ESRRG: variants seen among roughly 807,000 people sequenced by gnomAD.
ESRRG encodes estrogen-related receptor gamma.
In ESRRG, 13 loss-of-function variants were observed where a neutral mutation model predicts 44.0. The observed-to-expected ratio is 0.30, with a 90% CI of 0.19 to 0.47. The LOEUF is 0.47. Among genes scored for constraint, ESRRG ranks in the 20% least tolerant of loss-of-function variants. The probability of loss-of-function intolerance (pLI) is 1.00; values close to 1 mark genes in which losing one functional copy is unlikely to be tolerated. For missense variants in ESRRG, 395 were observed against 580.6 expected, an observed-to-expected ratio of 0.68 and a Z score of 3.29; for synonymous variants, 215 against 214.6, an observed-to-expected ratio of 1.00 and a Z score of -0.02.
intron 2 of ESRRG, among the ~76,000 whole-genome samples, chr1:216,749,434 G>A (rs11572651): frequency 5.3e-5 from 8 of 152,270 alleles, no homozygotes; most frequent in Admixed American, 3.9e-4. Context: ...GGCAACAAGC[G>A]CGATAGGGAA....
intron 1 of ESRRG, among the ~76,000 whole-genome samples, chr1:217,023,324 C>T (rs367640631): frequency 6.6e-6 from 1 of 152,152 alleles, no homozygotes; most frequent in Admixed American, 6.5e-5. Context: ...GAATACCAGA[C>T]ACCAGGAGGA....
intron 1 of ESRRG, among the ~76,000 whole-genome samples, chr1:216,702,277 GTCTTATGAGA>G (rs2081513142): frequency 6.6e-6 from 1 of 152,098 alleles, no homozygotes; most frequent in Non-Finnish European, 1.5e-5. Context: ...AGATTCTCTA[GTCTTATGAGA>G]GAGGGTGAAG....
At chr1:216,998,921 A>ATATAACC (rs1185461007) in intron 1 of ESRRG, among the ~76,000 whole-genome samples, 2 of 152,232 alleles carry the variant, frequency 1.3e-5, no homozygotes, top group African/African-American at 2.4e-5. Context: ...ATGGACATTC[A>ATATAACC]CATTTGCGTG....
chr1:216,909,309 C>A (rs896606484), intron 2 of ESRRG, among the ~76,000 whole-genome samples: 1 of 152,150 alleles, frequency 6.6e-6, no homozygotes. Flanking sequence ...AAGACCTCTA[C>A]AGCCCTCCCC....
At chr1:216,807,939 C>G (rs1357099967) in intron 2 of ESRRG, among the ~76,000 whole-genome samples, 1 of 152,094 alleles carries the variant, frequency 6.6e-6, no homozygotes, top group Non-Finnish European at 1.5e-5. Context: ...TGTGAGGTAG[C>G]TAACAACAAA....
chr1:217,075,748 T>C (rs2091213301), intron 1 of ESRRG, among the ~76,000 whole-genome samples: 1 of 152,238 alleles, frequency 6.6e-6, no homozygotes, highest in African/African-American at 2.4e-5. Flanking sequence ...TCCAACATCT[T>C]AAAAAGATTG....
intron 1 of ESRRG, among the ~76,000 whole-genome samples, chr1:216,940,584 T>G (rs2065053340): frequency 6.6e-6 from 1 of 152,024 alleles, no homozygotes; most frequent in African/African-American, 2.4e-5. Context: ...GTGGAGAAAA[T>G]AATTACTCGG....
intron 6 of ESRRG, among the ~76,000 whole-genome samples, chr1:216,512,354 C>T (rs2042968895): frequency 6.6e-6 from 1 of 152,100 alleles, no homozygotes; most frequent in South Asian, 2.1e-4. Flanking sequence ...AATCCAGACA[C>T]TGGAAAACCA....
chr1:216,963,445 G>A (rs1198059793), intron 1 of ESRRG, among the ~76,000 whole-genome samples: 1 of 152,130 alleles, frequency 6.6e-6, no homozygotes, highest in African/African-American at 2.4e-5. Context: ...TCATTAGATA[G>A]TTCTGTCTTC....
chr1:217,096,243 T>C (rs2092421324), intron 1 of ESRRG, among the ~76,000 whole-genome samples: 1 of 152,220 alleles, frequency 6.6e-6, no homozygotes, highest in African/African-American at 2.4e-5. Flanking sequence ...CCATTTGAGA[T>C]AGCGCATTCA....
At chr1:216,972,626 T>G (rs2071929432) in intron 1 of ESRRG, among the ~76,000 whole-genome samples, 1 of 152,164 alleles carries the variant, frequency 6.6e-6, no homozygotes, top group South Asian at 2.1e-4. Context: ...GTCTCAGCAC[T>G]TAATAAGGAG....
chr1:216,914,805 C>T (rs528948258), intron 2 of ESRRG, among the ~76,000 whole-genome samples: 64 of 152,260 alleles, frequency 4.2e-4, no homozygotes, highest in Admixed American at 7.9e-4. Context: ...CACTGGCCAC[C>T]ATAACCACTG....
At chr1:216,802,397 G>T (rs1420174861) in intron 2 of ESRRG, among the ~76,000 whole-genome samples, 1 of 152,122 alleles carries the variant, frequency 6.6e-6, no homozygotes, top group Non-Finnish European at 1.5e-5. Flanking sequence ...TCACTGAGAA[G>T]TGTCTGATAT....
intron 3 of ESRRG, among the ~76,000 whole-genome samples, chr1:216,613,859 T>C (rs2061016149): frequency 6.6e-6 from 1 of 152,250 alleles, no homozygotes; most frequent in African/African-American, 2.4e-5. Context: ...TGGAATAATA[T>C]CTTATGCACA....
At chr1:216,885,342 T>A (rs1301134901) in intron 2 of ESRRG, among the ~76,000 whole-genome samples, 1 of 152,204 alleles carries the variant, frequency 6.6e-6, no homozygotes, top group African/African-American at 2.4e-5. Flanking sequence ...CATATGGATA[T>A]GCCTGTGTAC....
At chr1:216,826,098 C>T (rs922726423) in intron 2 of ESRRG, among the ~76,000 whole-genome samples, 16 of 151,208 alleles carry the variant, frequency 1.1e-4, no homozygotes, top group Non-Finnish European at 1.5e-4. Flanking sequence ...AAAGATGTAA[C>T]GGACAGGCAG....
At chr1:216,731,672 TA>T (rs1183604046) in intron 2 of ESRRG, among the ~76,000 whole-genome samples, 5 of 152,198 alleles carry the variant, frequency 3.3e-5, no homozygotes, top group African/African-American at 1.2e-4. Flanking sequence ...GTATCAATTT[TA>T]AAAAGAGTGA....
chr1:217,057,877 C>T (rs1358285339), intron 1 of ESRRG, among the ~76,000 whole-genome samples: 1 of 152,020 alleles, frequency 6.6e-6, no homozygotes, highest in Non-Finnish European at 1.5e-5. Context: ...TTATGTGTGG[C>T]CCAAGATAAA....
intron 1 of ESRRG, among the ~76,000 whole-genome samples, chr1:217,003,968 T>C (rs759105106): frequency 6.6e-6 from 1 of 151,944 alleles, no homozygotes; most frequent in Admixed American, 6.6e-5. Context: ...TGATTCACAA[T>C]GAATATTCAT....
Sources: gnomAD v4.1 joint callset for allele counts (sites outside exome capture counted in the v4.1 genomes callset) on GRCh38, gnomAD v4.1.1 for gene constraint, MANE v1.5 for transcripts, NCBI Gene and HGNC (gene_info 2026-07-23, HGNC 2026-07-21) for gene names.